The following CPOX variants were observed in gnomAD, a reference collection of about 807,000 sequenced individuals.
CPOX encodes the protein coproporphyrinogen oxidase.
A neutral mutation model predicts 48.9 loss-of-function variants in CPOX; 24 were observed. The observed-to-expected ratio is 0.49, with a 90% confidence interval of 0.36 to 0.69. The LOEUF (loss-of-function observed/expected upper bound fraction) is 0.69, where lower values mean the gene tolerates loss of function less well. Ranked by LOEUF, CPOX falls within the 30% of genes least tolerant of loss-of-function variation. The pLI, the probability that CPOX is intolerant of heterozygous loss-of-function variation, is 0.00. For missense variants in CPOX, 549 were observed against 597.3 expected (o/e 0.92, Z 0.84); for synonymous variants, 249 against 234.6 (o/e 1.06, Z -0.56).
At chr3:98,584,098 CCTGT>C (rs1245129918) in intron 5 of CPOX, among the ~76,000 whole-genome samples, 2 of 152,198 alleles carry the variant, frequency 1.3e-5, no homozygotes, top group African/African-American at 4.8e-5. Context: ...AACCATTACT[CCTGT>C]CTATGAAGTT....
chr3:98,591,549 T>C (rs1178080060), intron 1 of CPOX, among the ~76,000 whole-genome samples: 1 of 152,242 alleles, frequency 6.6e-6, no homozygotes, highest in African/African-American at 2.4e-5. Flanking sequence ...AAGAGATCTA[T>C]ATTGTTTCAA....
chr3:98,580,860 GAAT>G, intron 6 of CPOX, 90 bp from the exon 7 acceptor site: 2 of 1,205,370 alleles, frequency 1.7e-6, no homozygotes, highest in Non-Finnish European at 2.3e-6. Context: ...AAAATCCTAA[GAAT>G]AAAAAAAAAA....
intron 4 of CPOX, among the ~76,000 whole-genome samples, chr3:98,586,946 A>AAAAC (rs3834792): frequency 0.013 from 1,998 of 152,060 alleles, 55 homozygotes; most frequent in Admixed American, 0.056. Context: ...TCCATCTCAA[A>AAAAC]AAACAAACAA....
intron 1 of CPOX, among the ~76,000 whole-genome samples, chr3:98,591,547 T>A (rs3853723): frequency 0.75 from 114,630 of 152,156 alleles, 43,952 homozygotes; most frequent in African/African-American, 0.91. Context: ...TTAAGAGATC[T>A]ATATTGTTTC....
downstream of CPOX, among the ~76,000 whole-genome samples, chr3:98,575,933 G>T (rs760166309): frequency 6.6e-6 from 1 of 151,992 alleles, no homozygotes; most frequent in Non-Finnish European, 1.5e-5. Flanking sequence ...TTAGCCGGGC[G>T]TGCTGGCACA....
the CPOX span, among the ~76,000 whole-genome samples, chr3:98,573,312 T>G: frequency 6.6e-6 from 1 of 152,316 alleles, no homozygotes; most frequent in African/African-American, 2.4e-5. Flanking sequence ...GTGGAGACAT[T>G]TGACAAGACA....
chr3:98,592,909 T>C (rs1199411623), intron 1 of CPOX, 40 bp downstream of exon 1: 4 of 1,584,144 alleles, frequency 2.5e-6, no homozygotes, highest in African/African-American at 2.7e-5. Flanking sequence ...CTGACCCTTT[T>C]TCCCTGTCTC....
rs1707514117 is a variant in CPOX, at chr3:98,593,138, G to GCTCATC, written c.361_366dup (p.Asp121_Glu122dup). The GCTCATC allele has an allele frequency of 6.2e-7, 1 of 1,613,074 alleles. No homozygotes were observed. Among genetic ancestry groups the GCTCATC allele is most frequent in the South Asian group, 1.1e-5 (1 of 91,004 alleles). On this transcript the variant is annotated inframe_insertion, in exon 1 of 7. Coordinates refer to ENST00000647941, the MANE Select transcript of CPOX (RefSeq NM_000097.7). ...ATGAAGCTGCTGCAGCGGTGGGCCA[G>GCTCATC]CTCATCCTCCTCCTCCTCCGGCCTC...
intron 5 of CPOX, among the ~76,000 whole-genome samples, chr3:98,583,472 G>A (rs912344715): frequency 1.3e-5 from 2 of 151,730 alleles, no homozygotes; most frequent in Admixed American, 6.6e-5. Flanking sequence ...TCCTCTCTGG[G>A]GTGCCTATAA....
chr3:98,583,194 A>C (rs1015253868), intron 5 of CPOX, among the ~76,000 whole-genome samples: 2 of 152,068 alleles, frequency 1.3e-5, no homozygotes, highest in African/African-American at 4.8e-5. Context: ...CTTTCTCTAC[A>C]TTGGCCTCTC....
chr3:98,588,826 T>A lies in CPOX; in HGVS notation c.840A>T (p.Gly280=). The change falls in exon 4 of 7, where the codon GGA becomes GGT. Residue 280 remains glycine (G), a synonymous_variant. Coordinates refer to ENST00000647941, the MANE Select transcript of CPOX (RefSeq NM_000097.7). ...DGNKQWWFGG[G]CDLTPTYLNQ... is the part of the protein sequence containing the mutation. Reference sequence around the variant, plus strand: ...TCAAGTATGTTGGAGTGAGGTCACATCCACCACCAAACCACCACTGCTTGT... The same window carrying A: ...TCAAGTATGTTGGAGTGAGGTCACAACCACCACCAAACCACCACTGCTTGT... 6.2e-7 allele frequency: 1 copy of A among 1,614,160 alleles called. No homozygotes were observed. Among genetic ancestry groups the A allele is most frequent in the Non-Finnish European group, 8.5e-7 (1 of 1,180,018 alleles).
chr3:98,580,467 T>C lies in CPOX; in HGVS notation c.*216A>G, dbSNP rs1707236062. On this transcript the variant is annotated 3_prime_UTR_variant, in exon 7 of 7. Coordinates refer to ENST00000647941, the MANE Select transcript of CPOX (RefSeq NM_000097.7). ...GTCATATAAAATGACACTAGAAGTA[T>C]AAATGAGGTTTAATCAATTGACTCT... The C allele has an allele frequency of 7.2e-7, 1 of 1,392,726 alleles. No individual in the cohort carries two copies. The highest frequency in any genetic ancestry group is 3.0e-5 in the Admixed American group (1 of 33,212). The allele number at this position is 1,392,726 out of a possible 1,614,324, so 86.3% of individuals were successfully genotyped here. A position where few individuals can be genotyped will look rare whatever the true frequency, so the allele number is the denominator to read the frequency against.
chr3:98,571,403 C>T, the CPOX span, among the ~76,000 whole-genome samples: 1 of 152,094 alleles, frequency 6.6e-6, no homozygotes, highest in Non-Finnish European at 1.5e-5. Flanking sequence ...TAAGAAAACG[C>T]TGTGGCCGGG....
rs1227408883 is a variant in CPOX at position 98,590,665 on chromosome 3, T to G, written c.778A>C (p.Asn260His). 2.5e-6 allele frequency: 4 copies of G among 1,613,784 alleles called. No homozygotes were observed. Among genetic ancestry groups the G allele is most frequent in the Non-Finnish European group, 3.4e-6 (4 of 1,179,648 alleles). ...KNPHAPTIHF[N>H]YRYFEVEEAD... Reference sequence around the variant, plus strand: ...TCTTCTACTTCAAAGTATCTGTAGTTGAAATGGATAGTAGGAGCATGAGGA... The same window carrying G: ...TCTTCTACTTCAAAGTATCTGTAGTGGAAATGGATAGTAGGAGCATGAGGA... Residue 260 changes from asparagine to histidine, a missense_variant, in exon 3 of 7, where the codon AAC (asparagine) becomes CAC (histidine). Transcript: ENST00000647941.
At position 98,580,629 on chromosome 3, in the gene CPOX, T is replaced by C; in HGVS notation, c.*54A>G. The C allele has an allele frequency of 6.2e-7, 1 of 1,611,062 alleles. No individual in the cohort carries two copies. Among genetic ancestry groups the C allele is most frequent in the Non-Finnish European group, 8.5e-7 (1 of 1,178,714 alleles). On this transcript the variant is annotated 3_prime_UTR_variant, in exon 7 of 7. Transcript: ENST00000647941. ...AGTGGCAAAGTGCCGACCAGTGGCA[T>C]GGGGAGCACACATCGTGTGCCCTCC...
chr3:98,587,572 T>C (rs770266960), intron 4 of CPOX, among the ~76,000 whole-genome samples: 2 of 150,328 alleles, frequency 1.3e-5, no homozygotes, highest in African/African-American at 2.5e-5. Context: ...CTTAGGTCTC[T>C]TCTTATAAAG....
chr3:98,582,363 TTCTTA>T (rs1707273916), intron 5 of CPOX, among the ~76,000 whole-genome samples: 1 of 152,214 alleles, frequency 6.6e-6, no homozygotes, highest in Non-Finnish European at 1.5e-5. Flanking sequence ...TTCAGATCAT[TTCTTA>T]TCTTATTCAG....
chr3:98,592,172 G>A (rs763632462), intron 1 of CPOX, among the ~76,000 whole-genome samples: 7 of 152,092 alleles, frequency 4.6e-5, no homozygotes, highest in Non-Finnish European at 1.0e-4. Flanking sequence ...AAACTAGACT[G>A]AACTTCATTT....
chr3:98,582,649 G>A (rs1365907274), intron 5 of CPOX, among the ~76,000 whole-genome samples: 3 of 151,982 alleles, frequency 2.0e-5, no homozygotes, highest in Non-Finnish European at 4.4e-5. Flanking sequence ...CCGCCACCAT[G>A]ACTGGCTAAT....
Sources: gnomAD v4.1 joint callset for allele counts (sites outside exome capture counted in the v4.1 genomes callset) on GRCh38, gnomAD v4.1.1 for gene constraint, MANE v1.5 for transcripts, NCBI Gene and HGNC (gene_info 2026-07-23, HGNC 2026-07-21) for gene names.